MECOM: variants seen among roughly 807,000 people sequenced by gnomAD.
MECOM encodes the protein histone-lysine N-methyltransferase MECOM.
MECOM carries 13 observed loss-of-function variants against 116.3 expected under a neutral mutation model. The observed-to-expected ratio is 0.11, with a 90% confidence interval of 0.07 to 0.18. MECOM has a LOEUF of 0.18. MECOM is among the 10% of genes least tolerant of loss of function. The pLI is 1.00. For synonymous variants in MECOM, 528 were observed against 535.2 expected (o/e 0.99, Z 0.19); for missense variants, 1,299 against 1,509.0 (o/e 0.86, Z 2.31).
At chr3:169,450,583 A>G (rs188771094) in intron 1 of MECOM, among the ~76,000 whole-genome samples, 1 of 27,428 alleles carries the variant, frequency 3.6e-5, no homozygotes, top group Non-Finnish European at 7.0e-5. Flanking sequence ...GGACAAAACG[A>G]AAAAAAAAAA....
At chr3:169,544,898 A>T (rs571827897) in intron 1 of MECOM, among the ~76,000 whole-genome samples, 2 of 152,342 alleles carry the variant, frequency 1.3e-5, no homozygotes, top group Admixed American at 6.5e-5. Context: ...GAGGAAGAGC[A>T]TTAGGACAAA....
intron 1 of MECOM, among the ~76,000 whole-genome samples, chr3:169,441,360 G>T (rs750029433): frequency 3.9e-5 from 6 of 152,074 alleles, no homozygotes; most frequent in Non-Finnish European, 8.8e-5. Context: ...AGTGTATATA[G>T]CAACTTAACT....
chr3:169,661,784 G>C (rs1396856815), intron 1 of MECOM, among the ~76,000 whole-genome samples: 1 of 152,216 alleles, frequency 6.6e-6, no homozygotes, highest in Non-Finnish European at 1.5e-5. Flanking sequence ...GTTCTAATGT[G>C]CGAGGGTCGC....
chr3:169,276,191 C>T (rs2149668353), intron 2 of MECOM, among the ~76,000 whole-genome samples: 1 of 152,278 alleles, frequency 6.6e-6, no homozygotes, highest in African/African-American at 2.4e-5. Context: ...CTAAGGACTT[C>T]AAGCCTTACA....
chr3:169,092,940 A>C lies in MECOM; in HGVS notation c.3164+18T>G. On this transcript the variant is annotated intron_variant, in intron 14 of 16. Coordinates refer to ENST00000651503, the MANE Select transcript of MECOM (RefSeq NM_004991.4). Reference sequence around the variant, plus strand: ...ATTTCAGTCGTCACAGAGTTTAAAAAGTAAAAGACAGCTTTACCTCTCCTC... The same window carrying C: ...ATTTCAGTCGTCACAGAGTTTAAAACGTAAAAGACAGCTTTACCTCTCCTC... 1.9e-6 allele frequency: 3 copies of C among 1,610,888 alleles called. No individual in the cohort carries two copies. Among genetic ancestry groups the C allele is most frequent in the Non-Finnish European group, 2.5e-6 (3 of 1,179,596 alleles).
chr3:169,201,978 G>C (rs1009186380), intron 2 of MECOM, among the ~76,000 whole-genome samples: 1 of 152,030 alleles, frequency 6.6e-6, no homozygotes, highest in African/African-American at 2.4e-5. Context: ...TATATTAGCA[G>C]TCCTTTCAGG....
intron 1 of MECOM, among the ~76,000 whole-genome samples, chr3:169,634,549 G>T (rs2109989232): frequency 6.6e-6 from 1 of 152,286 alleles, no homozygotes; most frequent in South Asian, 2.1e-4. Context: ...GAGGGCAGAA[G>T]GGCCCCAGCT....
intron 2 of MECOM, among the ~76,000 whole-genome samples, chr3:169,341,213 A>G (rs544842132): frequency 3.4e-4 from 52 of 152,018 alleles, no homozygotes; most frequent in African/African-American, 1.3e-3. Flanking sequence ...GAGAAAAATT[A>G]TGCTAAAAAA....
intron 1 of MECOM, 74 bp downstream of exon 1, chr3:169,663,262 C>T: frequency 3.3e-6 from 5 of 1,529,874 alleles, no homozygotes; most frequent in Non-Finnish European, 4.4e-6. Context: ...CGCTCCCTCC[C>T]GGAGCGCTAG....
At chr3:169,324,975 A>G (rs1033616836) in intron 2 of MECOM, among the ~76,000 whole-genome samples, 1 of 152,146 alleles carries the variant, frequency 6.6e-6, no homozygotes, top group Admixed American at 6.6e-5. Flanking sequence ...GTCCTACAGT[A>G]ACAGCTCTTC....
At chr3:169,264,097 A>G (rs1372732620) in intron 2 of MECOM, among the ~76,000 whole-genome samples, 1 of 152,258 alleles carries the variant, frequency 6.6e-6, no homozygotes, top group Non-Finnish European at 1.5e-5. Context: ...CCTTAGAATC[A>G]AAACCTGAAA....
chr3:169,516,075 A>G (rs1013725079), intron 1 of MECOM, among the ~76,000 whole-genome samples: 1 of 152,220 alleles, frequency 6.6e-6, no homozygotes, highest in Non-Finnish European at 1.5e-5. Context: ...ACTCATGAGA[A>G]GTATTTAAGG....
chr3:169,236,376 A>G (rs1754071792), intron 2 of MECOM, among the ~76,000 whole-genome samples: 2 of 152,206 alleles, frequency 1.3e-5, no homozygotes, highest in Admixed American at 6.5e-5. Context: ...GAGTGTTGCA[A>G]TAGAAGTAAC....
chr3:169,394,401 C>A (rs1734700821), intron 1 of MECOM, among the ~76,000 whole-genome samples: 1 of 152,052 alleles, frequency 6.6e-6, no homozygotes, highest in Non-Finnish European at 1.5e-5. Flanking sequence ...AAAATGACCT[C>A]AATGATCAAC....
At chr3:169,090,327 T>C in intron 14 of MECOM, 91 bp from the exon 15 acceptor site, 9 of 1,169,552 alleles carry the variant, frequency 7.7e-6, no homozygotes, top group Middle Eastern at 2.1e-4. Flanking sequence ...AACAACAGTT[T>C]AGATTTTCAA....
At position 169,124,882 on chromosome 3, in the gene MECOM, T is replaced by C. The variant is rs527661300; in HGVS notation, c.831-2155A>G. Among the ~76,000 whole-genome samples, 23 of 152,234 alleles carry C rather than the reference T, an allele frequency of 1.5e-4. No homozygotes were observed. The East Asian group carries it at 4.2e-3, about 28-fold the overall frequency. ...TTATTTCTTTGTGTGATGAATGCTA[T>C]AAATATCAGTACCAATTAAGACCTT... On this transcript the variant is annotated intron_variant, in intron 5 of 16. Coordinates refer to ENST00000651503, the MANE Select transcript of MECOM (RefSeq NM_004991.4).
At chr3:169,570,492 G>A (rs1157397491) in intron 1 of MECOM, among the ~76,000 whole-genome samples, 2 of 151,982 alleles carry the variant, frequency 1.3e-5, no homozygotes, top group Non-Finnish European at 2.9e-5. Flanking sequence ...CATTTTACGA[G>A]GCCAGCATCA....
intron 2 of MECOM, among the ~76,000 whole-genome samples, chr3:169,366,902 G>T (rs568057275): frequency 1.3e-5 from 2 of 152,096 alleles, no homozygotes; most frequent in East Asian, 3.9e-4. Flanking sequence ...GCCATAGAAA[G>T]TACATACACA....
intron 2 of MECOM, among the ~76,000 whole-genome samples, chr3:169,332,734 G>C (rs1411903187): frequency 3.3e-5 from 5 of 152,134 alleles, no homozygotes; most frequent in African/African-American, 1.2e-4. Flanking sequence ...TTTTACATTT[G>C]TGAAATGTCA....
Sources: gnomAD v4.1 joint callset for allele counts (sites outside exome capture counted in the v4.1 genomes callset) on GRCh38, gnomAD v4.1.1 for gene constraint, MANE v1.5 for transcripts, NCBI Gene and HGNC (gene_info 2026-07-23, HGNC 2026-07-21) for gene names.